Variants in THOC1 observed in about 807,000 individuals in gnomAD.
THOC1 encodes THO complex subunit 1, also known as THO complex 1.
THOC1 carries 29 observed loss-of-function variants against 97.3 expected under a neutral mutation model. The ratio of observed to expected loss-of-function variants is 0.30; its 90% CI spans 0.22 to 0.41. The LOEUF (loss-of-function observed/expected upper bound fraction) is 0.41. Ranked by LOEUF, THOC1 falls within the 10% of genes least tolerant of loss-of-function variation. THOC1 has a pLI of 1.00. For synonymous variants in THOC1, 255 were observed against 257.0 expected (o/e 0.99, Z 0.07); for missense variants, 529 against 761.9 (o/e 0.69, Z 3.60).
At position 238,970 on chromosome 18, in the gene THOC1, A is replaced by G. The variant is rs114676079; in HGVS notation, c.918+7354T>C. On this transcript the variant is annotated intron_variant, in intron 11 of 20. Coordinates refer to ENST00000261600, the MANE Select transcript of THOC1 (RefSeq NM_005131.3). ...ATACAAATATAGAATTTTAATAAAC[A>G]TAAGACTTTTCTACCTTTAAAAGGC... Among the ~76,000 whole-genome samples, 1,062 of 152,368 alleles carry G rather than the reference A, an allele frequency of 7.0e-3. 20 individuals carry two copies. The highest frequency in any genetic ancestry group is 0.025 in the African/African-American group (1,029 of 41,590).
At chr18:249,033 T>A (rs540597936) in intron 9 of THOC1, among the ~76,000 whole-genome samples, 14 of 152,218 alleles carry the variant, frequency 9.2e-5, no homozygotes, top group Admixed American at 2.6e-4. Flanking sequence ...TACAGGCGTG[T>A]ACCACTGCAC....
chr18:249,346 CT>C (rs1347105278), intron 9 of THOC1, among the ~76,000 whole-genome samples: 1 of 152,136 alleles, frequency 6.6e-6, no homozygotes, highest in Non-Finnish European at 1.5e-5. Flanking sequence ...GATTATACCT[CT>C]GGGTTTTCTA....
intron 5 of THOC1, 64 bp from the exon 6 acceptor site, chr18:259,794 T>G: frequency 7.7e-7 from 1 of 1,301,762 alleles, no homozygotes; most frequent in South Asian, 1.4e-5. Context: ...CAATAATAAG[T>G]TGCCAGAGTG....
intron 10 of THOC1, 99 bp from the exon 11 acceptor site, chr18:246,554 T>C (rs1598301096): frequency 1.0e-6 from 1 of 1,002,952 alleles, no homozygotes; most frequent in East Asian, 2.4e-5. Context: ...CAGTCAATCA[T>C]GTATGTAGAC....
intron 11 of THOC1, among the ~76,000 whole-genome samples, chr18:238,920 G>A (rs1290210251): frequency 6.6e-6 from 1 of 152,056 alleles, no homozygotes; most frequent in Non-Finnish European, 1.5e-5. Flanking sequence ...ACTTTTCTTT[G>A]ATTAAACCAC....
chr18:253,991 G>A lies in THOC1; in HGVS notation c.603+282C>T, dbSNP rs1024017120. On this transcript the variant is annotated intron_variant, in intron 8 of 20. Coordinates refer to ENST00000261600, the MANE Select transcript of THOC1 (RefSeq NM_005131.3). ...AGTGGCATGATCAAGGCTCACTGCA[G>A]CTTGACCTCCCTGGGCTGAGGCGAT... Among the ~76,000 whole-genome samples, 3 of 149,672 alleles carry A rather than the reference G, an allele frequency of 2.0e-5. No individual in the cohort carries two copies. The East Asian group carries it at 5.9e-4, about 29-fold the overall frequency.
chr18:238,969 CA>C (rs1911804673), intron 11 of THOC1, among the ~76,000 whole-genome samples: 1 of 152,134 alleles, frequency 6.6e-6, no homozygotes. Flanking sequence ...TTTTAATAAA[CA>C]TAAGACTTTT....
At chr18:228,269 C>T (rs372117519) in intron 11 of THOC1, among the ~76,000 whole-genome samples, 14 of 152,258 alleles carry the variant, frequency 9.2e-5, no homozygotes, top group African/African-American at 3.4e-4. Flanking sequence ...AACCTCTATC[C>T]TTCCCAGGTC....
Position 254,239 on chromosome 18 carries a change from T to C in THOC1, c.603+34A>G. The C allele has an allele frequency of 3.4e-6, 5 of 1,455,082 alleles. No homozygotes were observed. The highest frequency in any genetic ancestry group is 4.7e-6 in the Non-Finnish European group (5 of 1,056,322). 90.1% of individuals were successfully genotyped at this position (1,455,082 alleles called of 1,614,324 possible). On this transcript the variant is annotated intron_variant, in intron 8 of 20. Transcript: ENST00000261600. The surrounding 1 kb of genome is among the most constrained non-coding windows in gnomAD (Gnocchi z 4.1). ...ACTATCTTAATAACAAACTTGCAAA[T>C]ATGTTATCTGAGAAGATTTCAAATC...
chr18:264,220 AAAC>A, intron 3 of THOC1, 128 bp from the exon 4 acceptor site: 2 of 644,806 alleles, frequency 3.1e-6, no homozygotes, highest in Non-Finnish European at 5.2e-6. Flanking sequence ...TTCTTATAGA[AAAC>A]AATATTTTCT....
chr18:259,338 C>T (rs1912532831), intron 6 of THOC1, 63 bp from the exon 7 acceptor site: 2 of 1,370,004 alleles, frequency 1.5e-6, no homozygotes, highest in East Asian at 2.4e-5. Flanking sequence ...TACAACCACA[C>T]CTAAAAGTTT....
At chr18:265,685 A>C in intron 1 of THOC1, 155 bp from the exon 2 acceptor site, 1 of 599,738 alleles carries the variant, frequency 1.7e-6, no homozygotes, top group Non-Finnish European at 2.9e-6. Context: ...TCCTTATTCC[A>C]ATGCTACTTC....
chr18:248,539 T>C (rs1029594387), intron 9 of THOC1, among the ~76,000 whole-genome samples: 2 of 152,208 alleles, frequency 1.3e-5, no homozygotes, highest in Non-Finnish European at 2.9e-5. Flanking sequence ...TAAACCAATG[T>C]TAATCTGAAT....
In THOC1 at chr18:226,917, G is replaced by GC; in HGVS notation, c.919-17dup. ...AATCCATCAGCTACTCAAGAAACAA[G>GC]CAAACACATACGAAAACAACACATT... On this transcript the variant is annotated splice_polypyrimidine_tract_variant and intron_variant, in intron 11 of 20. Coordinates refer to ENST00000261600, the MANE Select transcript of THOC1 (RefSeq NM_005131.3). 6.3e-7 allele frequency: 1 copy of GC among 1,584,134 alleles called. No homozygotes were observed. The highest frequency in any genetic ancestry group is 8.6e-7 in the Non-Finnish European group (1 of 1,160,386).
chr18:214,716 T>G lies in THOC1; in HGVS notation c.1884A>C (p.Ala628=). The G allele has an allele frequency of 1.2e-6, 2 of 1,614,014 alleles. No individual in the cohort carries two copies. The highest frequency in any genetic ancestry group is 1.7e-6 in the Non-Finnish European group (2 of 1,179,864). Residue 628 remains alanine, a synonymous_variant, in exon 21 of 21, where the codon GCA becomes GCC. Transcript: ENST00000261600. ...VAWQDQEGVH[A]TPENLINALN... is the part of the protein sequence containing the mutation. ...GTGCATTAATCAGATTCTCAGGTGT[T>G]GCATGAACTCCCTCTTGATCTTGCC...
chr18:259,786 A>G (rs952334382), intron 5 of THOC1, 56 bp from the exon 6 acceptor site: 4 of 1,347,832 alleles, frequency 3.0e-6, no homozygotes, highest in Middle Eastern at 1.8e-4. Flanking sequence ...ACATTCTTCA[A>G]TAATAAGTTG....
intron 19 of THOC1, chr18:215,727 C>T: frequency 2.1e-6 from 1 of 469,646 alleles, no homozygotes; most frequent in South Asian, 3.1e-5. Flanking sequence ...AAAGACTCCC[C>T]ACCCCCAATC....
At chr18:222,558 T>C (rs1911128714) in intron 17 of THOC1, among the ~76,000 whole-genome samples, 1 of 152,122 alleles carries the variant, frequency 6.6e-6, no homozygotes, top group South Asian at 2.1e-4. Context: ...AAAGTAAGAA[T>C]TACTGGATTA....
At chr18:223,717 T>C (rs1376705427) in intron 16 of THOC1, among the ~76,000 whole-genome samples, 2 of 152,240 alleles carry the variant, frequency 1.3e-5, no homozygotes, top group Non-Finnish European at 2.9e-5. Flanking sequence ...ATGATAATGA[T>C]ATAATCTTTA....
Sources: gnomAD v4.1 joint callset for allele counts (sites outside exome capture counted in the v4.1 genomes callset) on GRCh38, gnomAD v4.1.1 for gene constraint, Gnocchi (gnomAD v3.1) non-coding constraint, MANE v1.5 for transcripts, NCBI Gene and HGNC (gene_info 2026-07-23, HGNC 2026-07-21) for gene names.